The following CCDC38 variants were observed in gnomAD, a reference collection of about 807,000 sequenced individuals.
CCDC38 encodes coiled-coil domain containing 38.
A neutral mutation model predicts 72.8 loss-of-function variants in CCDC38; 69 were observed. The observed-to-expected ratio is 0.95, with a 90% confidence interval of 0.78 to 1.16. The LOEUF (loss-of-function observed/expected upper bound fraction) is 1.16. CCDC38 is among the 50% of genes most tolerant of loss of function. The pLI is 0.00. For synonymous variants in CCDC38, 201 were observed against 213.2 expected (o/e 0.94, Z 0.50); for missense variants, 626 against 638.9 (o/e 0.98, Z 0.22).
Position 95,918,906 on chromosome 12 carries a change from G to C in CCDC38, c.108C>G (p.Val36=). The change falls in exon 3 of 16, where the codon GTC becomes GTG. Residue 36 remains valine, a synonymous_variant. Coordinates refer to ENST00000344280, the MANE Select transcript of CCDC38 (RefSeq NM_182496.3). ...YKIFFRDLFL[V]KENEMAAKET... ...CCTTTGCTGCCATTTCATTTTCTTT[G>C]ACAAGAAAGAGATCTCTGAAAAAGA... is the stretch of plus-strand genomic sequence containing the variant. The C allele has an allele frequency of 1.2e-6, 2 of 1,610,124 alleles. No individual in the cohort carries two copies. Among genetic ancestry groups the C allele is most frequent in the Admixed American group, 1.7e-5 (1 of 59,946 alleles).
intron 11 of CCDC38, 40 bp downstream of exon 11, chr12:95,881,445 C>A: frequency 6.8e-7 from 1 of 1,462,894 alleles, no homozygotes; most frequent in Non-Finnish European, 9.5e-7. Context: ...GTATTTTTCA[C>A]CAAACCCAAT....
chr12:95,867,701 G>T (rs930345507), intron 15 of CCDC38, among the ~76,000 whole-genome samples: 1 of 152,170 alleles, frequency 6.6e-6, no homozygotes, highest in Non-Finnish European at 1.5e-5. Context: ...GGGAAACCCC[G>T]AGTTCATACC....
At chr12:95,909,644 A>T (rs1199545570) in intron 4 of CCDC38, among the ~76,000 whole-genome samples, 1 of 150,218 alleles carries the variant, frequency 6.7e-6, no homozygotes, top group African/African-American at 2.4e-5. Context: ...TAGACATGAA[A>T]ATCCTCAAAA....
At chr12:95,887,952 C>T (rs1389543841) in intron 10 of CCDC38, among the ~76,000 whole-genome samples, 1 of 152,152 alleles carries the variant, frequency 6.6e-6, no homozygotes, top group East Asian at 1.9e-4. Context: ...GATGCTGGCC[C>T]AGATCCCTTC....
At chr12:95,870,937 AT>A (rs1830869591) in intron 14 of CCDC38, among the ~76,000 whole-genome samples, 1 of 152,246 alleles carries the variant, frequency 6.6e-6, no homozygotes. Context: ...ACCTGTATTT[AT>A]CAGTATTACT....
intron 3 of CCDC38, among the ~76,000 whole-genome samples, chr12:95,917,600 C>T (rs528354288): frequency 2.6e-4 from 39 of 152,194 alleles, no homozygotes; most frequent in African/African-American, 7.7e-4. Context: ...GGGCTGGGTG[C>T]GGTAGCTCAT....
intron 4 of CCDC38, among the ~76,000 whole-genome samples, chr12:95,916,211 C>T (rs534550386): frequency 1.3e-4 from 20 of 152,268 alleles, no homozygotes; most frequent in African/African-American, 4.8e-4. Flanking sequence ...TATATATGCA[C>T]TTGGAAGCTC....
At chr12:95,913,325 A>T (rs929497483) in intron 4 of CCDC38, among the ~76,000 whole-genome samples, 6 of 152,242 alleles carry the variant, frequency 3.9e-5, no homozygotes, top group African/African-American at 9.6e-5. Context: ...CTGTGAGAGG[A>T]TTCTCTTTCC....
At chr12:95,916,250 T>C (rs1354722063) in intron 4 of CCDC38, among the ~76,000 whole-genome samples, 1 of 152,182 alleles carries the variant, frequency 6.6e-6, no homozygotes, top group Non-Finnish European at 1.5e-5. Flanking sequence ...GGCTTCCTTT[T>C]CCTACATTAA....
Position 95,895,099 on chromosome 12 carries a change from C to T in CCDC38, c.662G>A (p.Gly221Asp), listed in dbSNP as rs762838749. The T allele has an allele frequency of 1.9e-6, 3 of 1,612,504 alleles. No homozygotes were observed. Among genetic ancestry groups the T allele is most frequent in the Admixed American group, 1.7e-5 (1 of 59,794 alleles). Residue 221 changes from glycine (G) to aspartate (D), a missense_variant, in exon 8 of 16, where the codon GGT (glycine) becomes GAT (aspartate). Transcript: ENST00000344280. Reference sequence around the variant, plus strand: ...TGGAGACATTTGCAGCAGAAAAAAACCATATTTCATATACTCCCTGAGGAG... The same window carrying T: ...TGGAGACATTTGCAGCAGAAAAAAATCATATTTCATATACTCCCTGAGGAG... ...EFLLREYMKYGFFLLQMSPKH... is the reference protein window; with the variant it reads ...EFLLREYMKYDFFLLQMSPKH...
chr12:95,878,268 T>G lies in CCDC38; in HGVS notation c.1221A>C (p.Ala407=). ...ANCVREEEKA[A]ELQLKSKLFS... ...AGAGCTTGGACTTTAATTGCAATTCTGCTGCTTTCTCTTCTTCTCTCACAC... is the reference window on the plus strand; with the variant it reads ...AGAGCTTGGACTTTAATTGCAATTCGGCTGCTTTCTCTTCTTCTCTCACAC... Residue 407 remains alanine (A), a synonymous_variant, in exon 13 of 16, where the codon GCA becomes GCC. Coordinates refer to ENST00000344280, the MANE Select transcript of CCDC38 (RefSeq NM_182496.3). 6.2e-7 allele frequency: 1 copy of G among 1,613,746 alleles called. No homozygotes were observed.
chr12:95,916,641 T>C (rs1205411512), intron 4 of CCDC38, among the ~76,000 whole-genome samples: 2 of 152,180 alleles, frequency 1.3e-5, no homozygotes, highest in East Asian at 1.9e-4. Context: ...GTAGTAATGA[T>C]CATCTTATAG....
chr12:95,909,977 C>T (rs1055250527), intron 4 of CCDC38, among the ~76,000 whole-genome samples: 4 of 152,088 alleles, frequency 2.6e-5, no homozygotes, highest in African/African-American at 9.7e-5. Context: ...AAGCATTTCC[C>T]CTAAGAACTG....
intron 10 of CCDC38, 145 bp downstream of exon 10, chr12:95,888,313 G>T: frequency 2.8e-6 from 2 of 709,136 alleles, no homozygotes; most frequent in Non-Finnish European, 5.0e-6. Context: ...GAGATCTCAG[G>T]AGTGCACAGA....
At chr12:95,911,352 T>G (rs2080092444) in intron 4 of CCDC38, among the ~76,000 whole-genome samples, 1 of 152,026 alleles carries the variant, frequency 6.6e-6, no homozygotes, top group South Asian at 2.1e-4. Context: ...CAAAACCAAA[T>G]GCAACAAAAA....
rs768992623 is a variant in CCDC38, at chr12:95,924,024, G to A, written c.38-5048C>T. On this transcript the variant is annotated intron_variant, in intron 2 of 15. Coordinates refer to ENST00000344280, the MANE Select transcript of CCDC38 (RefSeq NM_182496.3). ...ACATACGTGTGCATGTGTCTTTATA[G>A]CAGCATGATTTATAGTCCTTTGGGT... 8.7e-3 allele frequency among the ~76,000 whole-genome samples: 1,025 copies of A among 118,000 alleles called. 1 individual carries two copies. Among genetic ancestry groups the A allele is most frequent in the South Asian group, 0.016 (49 of 3,084 alleles). 77.4% of individuals were successfully genotyped at this position (118,000 alleles called of 152,430 possible). A position where few individuals can be genotyped will look rare whatever the true frequency, so the allele number is the denominator to read the frequency against.
chr12:95,928,156 C>T (rs1233570351), intron 2 of CCDC38, among the ~76,000 whole-genome samples: 9 of 151,974 alleles, frequency 5.9e-5, no homozygotes, highest in South Asian at 2.1e-4. Context: ...TTCCATTCTC[C>T]GCATCACTTT....
At position 95,867,632 on chromosome 12, in the gene CCDC38, C is replaced by G. The variant is rs144147894; in HGVS notation, c.1579-443G>C. Among the ~76,000 whole-genome samples the G allele has an allele frequency of 3.3e-5, 5 of 152,300 alleles. No individual in the cohort carries two copies. In the East Asian group the frequency reaches 9.6e-4, roughly 29 times the overall value. ...CTTGTTAAATAAAAAGTCCAGAAAA[C>G]CATGTACCATCTTGAATACTGGTTG... On this transcript the variant is annotated intron_variant, in intron 15 of 15. Transcript: ENST00000344280.
intron 4 of CCDC38, among the ~76,000 whole-genome samples, chr12:95,915,920 G>A (rs1259867282): frequency 6.6e-6 from 1 of 152,154 alleles, no homozygotes; most frequent in Non-Finnish European, 1.5e-5. Context: ...TAACTTCTCT[G>A]TTAAATAGCA....
Sources: gnomAD v4.1 joint callset for allele counts (sites outside exome capture counted in the v4.1 genomes callset) on GRCh38, gnomAD v4.1.1 for gene constraint, MANE v1.5 for transcripts, NCBI Gene and HGNC (gene_info 2026-07-23, HGNC 2026-07-21) for gene names.